The following DIAPH3 variants were observed in gnomAD, a reference collection of about 807,000 sequenced individuals.
DIAPH3 encodes the protein diaphanous related formin 3.
In DIAPH3, 117 loss-of-function variants were observed where a neutral mutation model predicts 144.3. The ratio of observed to expected loss-of-function variants is 0.81; its 90% CI spans 0.70 to 0.95. DIAPH3 has a LOEUF of 0.95. Ranked by LOEUF, DIAPH3 falls within the 40% of genes least tolerant of loss-of-function variation. DIAPH3 has a pLI of 0.00. For missense variants in DIAPH3, 1,421 were observed against 1,412.7 expected (o/e 1.01, Z -0.09); for synonymous variants, 519 against 488.9 (o/e 1.06, Z -0.81).
rs192407994 is a variant in DIAPH3 at position 59,995,411 on chromosome 13, A to G, written c.1015-2828T>C. 2.0e-5 allele frequency among the ~76,000 whole-genome samples: 3 copies of G among 152,088 alleles called. No individual in the cohort carries two copies. In the East Asian group the frequency reaches 5.8e-4, roughly 29 times the overall value. ...ACCTCCCTCTGCGCTAATAAGGGTA[A>G]GAAAACAAGGAACTTCCATCTTCTT... On this transcript the variant is annotated intron_variant, in intron 9 of 27. Coordinates refer to ENST00000400324, the MANE Select transcript of DIAPH3 (RefSeq NM_001042517.2).
chr13:59,910,827 T>G (rs1334382317), intron 20 of DIAPH3, among the ~76,000 whole-genome samples: 1 of 140,938 alleles, frequency 7.1e-6, no homozygotes, highest in African/African-American at 2.6e-5. Flanking sequence ...CTATTTGGAG[T>G]TTTTTTTTTT....
At chr13:59,836,357 A>G (rs1375147464) in intron 23 of DIAPH3, among the ~76,000 whole-genome samples, 2 of 151,826 alleles carry the variant, frequency 1.3e-5, no homozygotes, top group African/African-American at 4.8e-5. Flanking sequence ...ATGTAACAAT[A>G]CTGATATACA....
intron 27 of DIAPH3, chr13:59,695,130 G>GT (rs1316433870): frequency 6.6e-6 from 1 of 152,118 alleles, no homozygotes; most frequent in Non-Finnish European, 1.5e-5. Context: ...GGCTTCATTT[G>GT]TACCTGTGAT....
At chr13:59,837,278 G>T (rs2042087676) in intron 23 of DIAPH3, among the ~76,000 whole-genome samples, 1 of 151,976 alleles carries the variant, frequency 6.6e-6, no homozygotes, top group South Asian at 2.1e-4. Context: ...ATGAAAAATT[G>T]TTTCCAACAA....
At chr13:60,075,114 T>A (rs1029646937) in intron 4 of DIAPH3, among the ~76,000 whole-genome samples, 7 of 152,184 alleles carry the variant, frequency 4.6e-5, no homozygotes, top group African/African-American at 1.7e-4. Context: ...ACATTTACTG[T>A]CAAAAATCTT....
intron 27 of DIAPH3, among the ~76,000 whole-genome samples, chr13:59,669,503 G>A (rs914779049): frequency 8.6e-5 from 13 of 151,994 alleles, no homozygotes; most frequent in Non-Finnish European, 1.8e-4. Flanking sequence ...ACATACATCC[G>A]CCCCTCCTGT....
intron 27 of DIAPH3, among the ~76,000 whole-genome samples, chr13:59,713,416 A>AGTT (rs1372656820): frequency 1.3e-5 from 2 of 152,154 alleles, no homozygotes; most frequent in African/African-American, 4.8e-5. Context: ...GTGTCTGTAA[A>AGTT]CATCTTACAA....
intron 3 of DIAPH3, among the ~76,000 whole-genome samples, chr13:60,099,589 G>T (rs190120966): frequency 3.3e-5 from 5 of 152,080 alleles, no homozygotes; most frequent in Non-Finnish European, 7.4e-5. Context: ...AGTCTCTACC[G>T]AATGCATGTT....
At chr13:59,804,294 C>T (rs79855583) in intron 25 of DIAPH3, among the ~76,000 whole-genome samples, 6,481 of 152,186 alleles carry the variant, frequency 0.043, 233 homozygotes, top group South Asian at 0.11. Context: ...CTCAATCTTC[C>T]TATATAGGTA....
intron 18 of DIAPH3, among the ~76,000 whole-genome samples, chr13:59,919,400 C>A (rs929461200): frequency 4.0e-5 from 6 of 151,826 alleles, no homozygotes; most frequent in Non-Finnish European, 5.9e-5. Context: ...AAGAGGGGAT[C>A]CAGAAAGCAA....
intron 27 of DIAPH3, among the ~76,000 whole-genome samples, chr13:59,759,654 G>A (rs1247882087): frequency 2.6e-5 from 4 of 152,162 alleles, no homozygotes; most frequent in Non-Finnish European, 5.9e-5. Flanking sequence ...GCAGCAAACA[G>A]AGACACCAGT....
intron 1 of DIAPH3, among the ~76,000 whole-genome samples, chr13:60,156,918 C>CATATATATATAT (rs1233542016): frequency 1.8e-5 from 1 of 55,678 alleles, no homozygotes; most frequent in African/African-American, 8.0e-5. Context: ...CCAGATCCTT[C>CATATATATATAT]ATATATATAT....
intron 1 of DIAPH3, among the ~76,000 whole-genome samples, chr13:60,136,870 G>GC (rs2059294506): frequency 6.6e-6 from 1 of 152,054 alleles, no homozygotes; most frequent in Non-Finnish European, 1.5e-5. Context: ...AACCCGGGAG[G>GC]CGGAGCTTGC....
rs1292756812 is a variant in DIAPH3 at position 60,105,110 on chromosome 13, A to AACAAAAAC, written c.390+6899_390+6900insGTTTTTGT. Among the ~76,000 whole-genome samples the AACAAAAAC allele has an allele frequency of 2.7e-5, 4 of 149,400 alleles. 1 individual carries two copies. The highest frequency in any genetic ancestry group is 6.7e-5 in the Admixed American group (1 of 15,012). ...GTGAGACACGATCTCAAAAAAAAAAAAAAAAAAAAAAAAAACTGCCAGTGA... is the reference window on the plus strand; with the variant it reads ...GTGAGACACGATCTCAAAAAAAAAAAACAAAAACAAAAAAAAAAAAAAACTGCCAGTGA... On this transcript the variant is annotated intron_variant, in intron 3 of 27. Coordinates refer to ENST00000400324, the MANE Select transcript of DIAPH3 (RefSeq NM_001042517.2).
rs534721181 is a variant in DIAPH3 at position 59,772,700 on chromosome 13, A to T, written c.3319+1489T>A. On this transcript the variant is annotated intron_variant, in intron 27 of 27. Transcript: ENST00000400324. ...TTTCCCCCACATAGTATCTAAAAAT[A>T]TATATTTTAAATTAACTGTAGGATG... Among the ~76,000 whole-genome samples, 173 of 152,216 alleles carry T rather than the reference A, an allele frequency of 1.1e-3. 1 individual carries two copies. The highest frequency in any genetic ancestry group is 4.0e-3 in the African/African-American group (167 of 41,554).
intron 2 of DIAPH3, among the ~76,000 whole-genome samples, chr13:60,117,270 G>T (rs1330318806): frequency 6.6e-6 from 1 of 151,972 alleles, no homozygotes; most frequent in East Asian, 1.9e-4. Flanking sequence ...GGCAAGATAG[G>T]AAAAATTAGC....
chr13:60,088,915 C>T (rs561615977), intron 4 of DIAPH3, among the ~76,000 whole-genome samples: 9 of 152,268 alleles, frequency 5.9e-5, no homozygotes, highest in African/African-American at 1.4e-4. Flanking sequence ...AGCCACCAAG[C>T]GCAGCCATAT....
intron 20 of DIAPH3, among the ~76,000 whole-genome samples, chr13:59,901,999 A>G (rs2046460781): frequency 6.6e-6 from 1 of 152,228 alleles, no homozygotes; most frequent in African/African-American, 2.4e-5. Context: ...AAAGTTCTTA[A>G]GTATACCCAA....
At chr13:59,780,033 A>G (rs1168840169) in intron 25 of DIAPH3, among the ~76,000 whole-genome samples, 1 of 152,118 alleles carries the variant, frequency 6.6e-6, no homozygotes, top group Non-Finnish European at 1.5e-5. Context: ...CCAGGATGTT[A>G]CTAGGCACTA....
Sources: allele counts gnomAD v4.1 joint callset (sites outside exome capture counted in the v4.1 genomes callset), GRCh38; gene constraint gnomAD v4.1.1; transcripts MANE v1.5; gene names NCBI Gene and HGNC (gene_info 2026-07-23, HGNC 2026-07-21).